ADAMTS17: variants seen among roughly 807,000 people sequenced by gnomAD.
The protein encoded by ADAMTS17 is ADAM metallopeptidase with thrombospondin type 1 motif 17.
Under a neutral mutation model 141.5 loss-of-function variants are expected in ADAMTS17, and 113 were observed. That is an observed-to-expected ratio of 0.80 (90% CI 0.69 to 0.93). ADAMTS17 has a LOEUF of 0.93. Among genes scored for constraint, ADAMTS17 ranks in the 40% least tolerant of loss-of-function variants. ADAMTS17 has a pLI of 0.00. For missense variants in ADAMTS17, 1,659 were observed against 1,517.9 expected, an observed-to-expected ratio of 1.09 and a Z score of -1.54; for synonymous variants, 768 against 630.6, an observed-to-expected ratio of 1.22 and a Z score of -3.27.
chr15:100,140,520 G>A (rs186740930), intron 10 of ADAMTS17, among the ~76,000 whole-genome samples: 8 of 94,374 alleles, frequency 8.5e-5, no homozygotes, highest in African/African-American at 1.7e-4. Flanking sequence ...CAGTAAAGAC[G>A]TGTGGAATGT....
At chr15:100,069,061 G>A (rs1050896175) in intron 15 of ADAMTS17, among the ~76,000 whole-genome samples, 6 of 152,228 alleles carry the variant, frequency 3.9e-5, no homozygotes, top group African/African-American at 1.4e-4. Context: ...ACCTGAGGGA[G>A]CTGAAAACCA....
At chr15:100,166,535 C>T (rs1237363422) in intron 8 of ADAMTS17, among the ~76,000 whole-genome samples, 1 of 152,124 alleles carries the variant, frequency 6.6e-6, no homozygotes, top group East Asian at 1.9e-4. Flanking sequence ...GGTAGGTAAC[C>T]CTGATGAGGT....
intron 3 of ADAMTS17, among the ~76,000 whole-genome samples, chr15:100,311,897 T>C (rs936263481): frequency 2.6e-5 from 4 of 152,086 alleles, no homozygotes; most frequent in Non-Finnish European, 2.9e-5. Flanking sequence ...AAAAGGAAAC[T>C]TCTTTATGTG....
chr15:100,216,484 T>C (rs534398593), intron 7 of ADAMTS17, among the ~76,000 whole-genome samples: 1 of 152,308 alleles, frequency 6.6e-6, no homozygotes, highest in Admixed American at 6.5e-5. Flanking sequence ...CAGAGGCCAC[T>C]CTCTTTATCT....
chr15:100,251,948 C>G (rs970455278), intron 7 of ADAMTS17, among the ~76,000 whole-genome samples: 2 of 152,186 alleles, frequency 1.3e-5, no homozygotes, highest in African/African-American at 4.8e-5. Context: ...GGATCTAGGA[C>G]TTCCAGCCTC....
At chr15:100,155,737 C>A (rs1442010685) in intron 8 of ADAMTS17, among the ~76,000 whole-genome samples, 1 of 152,132 alleles carries the variant, frequency 6.6e-6, no homozygotes, top group Non-Finnish European at 1.5e-5. Context: ...CACTGGGTAC[C>A]ATCCTAGACC....
chr15:100,035,300 G>A (rs1049334594), intron 18 of ADAMTS17, among the ~76,000 whole-genome samples: 3 of 152,186 alleles, frequency 2.0e-5, no homozygotes, highest in African/African-American at 4.8e-5. Context: ...TTCTTAGAAA[G>A]GAACAGATGT....
At chr15:100,125,114 C>T (rs528709140) in intron 12 of ADAMTS17, among the ~76,000 whole-genome samples, 3 of 152,316 alleles carry the variant, frequency 2.0e-5, no homozygotes, top group Non-Finnish European at 2.9e-5. Flanking sequence ...CAGTACAAAC[C>T]TGGCAGTTCT....
intron 3 of ADAMTS17, among the ~76,000 whole-genome samples, chr15:100,318,052 T>C (rs1409951255): frequency 1.3e-5 from 2 of 152,138 alleles, no homozygotes; most frequent in African/African-American, 4.8e-5. Flanking sequence ...CAGGGACATT[T>C]GCAGGACATG....
intron 15 of ADAMTS17, among the ~76,000 whole-genome samples, chr15:100,080,791 A>T (rs544297738): frequency 6.7e-4 from 102 of 152,344 alleles, no homozygotes; most frequent in Middle Eastern, 6.8e-3. Flanking sequence ...TCATATCAGC[A>T]TGTTAAGTAT....
intron 14 of ADAMTS17, among the ~76,000 whole-genome samples, chr15:100,099,332 G>T (rs576386215): frequency 1.3e-5 from 2 of 152,292 alleles, no homozygotes; most frequent in South Asian, 4.2e-4. Flanking sequence ...GCGAACGGGG[G>T]CATTTTCTTC....
chr15:100,337,964 T>A (rs187617276), intron 2 of ADAMTS17, among the ~76,000 whole-genome samples: 32 of 152,146 alleles, frequency 2.1e-4, no homozygotes, highest in Admixed American at 1.2e-3. Context: ...TCACGAAGAG[T>A]GTAAAGGCCT....
At chr15:100,331,083 GTC>G in intron 2 of ADAMTS17, 29 bp from the exon 3 acceptor site, 1 of 1,613,752 alleles carries the variant, frequency 6.2e-7, no homozygotes, top group Non-Finnish European at 8.5e-7. Context: ...GAAACGCGAT[GTC>G]GGTCATCCTC....
At chr15:100,141,588 G>C (rs571468208) in intron 10 of ADAMTS17, among the ~76,000 whole-genome samples, 1 of 152,270 alleles carries the variant, frequency 6.6e-6, no homozygotes, top group African/African-American at 2.4e-5. Context: ...CCCCACTCCT[G>C]GAAGGCTTCC....
At chr15:100,055,409 GTTC>G (rs2032483481) in intron 15 of ADAMTS17, among the ~76,000 whole-genome samples, 1 of 152,212 alleles carries the variant, frequency 6.6e-6, no homozygotes, top group African/African-American at 2.4e-5. Flanking sequence ...ACTGGCCTCA[GTTC>G]TTGTCTCCAG....
chr15:100,054,577 C>T (rs1208705849), intron 15 of ADAMTS17, among the ~76,000 whole-genome samples: 2 of 152,200 alleles, frequency 1.3e-5, no homozygotes, highest in African/African-American at 2.4e-5. Flanking sequence ...TGATATCCCC[C>T]CATTACTAAA....
At chr15:100,146,927 ACT>A (rs1242117108) in intron 10 of ADAMTS17, among the ~76,000 whole-genome samples, 1 of 151,808 alleles carries the variant, frequency 6.6e-6, no homozygotes, top group Non-Finnish European at 1.5e-5. Flanking sequence ...TGCTCTCAAA[ACT>A]CTGTCTCCTG....
At chr15:100,160,545 C>T (rs2039643291) in intron 8 of ADAMTS17, among the ~76,000 whole-genome samples, 1 of 152,184 alleles carries the variant, frequency 6.6e-6, no homozygotes, top group African/African-American at 2.4e-5. Context: ...CTTCTCCTGG[C>T]CAGAGAACCT....
intron 8 of ADAMTS17, among the ~76,000 whole-genome samples, chr15:100,182,923 G>A (rs555602781): frequency 5.3e-5 from 8 of 152,172 alleles, no homozygotes; most frequent in East Asian, 3.9e-4. Context: ...GGATGTTTTC[G>A]GACTTTATTT....
Sources: gnomAD v4.1 joint callset for allele counts (sites outside exome capture counted in the v4.1 genomes callset) on GRCh38, gnomAD v4.1.1 for gene constraint, MANE v1.5 for transcripts, NCBI Gene and HGNC (gene_info 2026-07-23, HGNC 2026-07-21) for gene names.